ITGA9: variants seen among roughly 807,000 people sequenced by gnomAD.
The protein encoded by ITGA9 is integrin subunit alpha 9.
A neutral mutation model predicts 127.8 loss-of-function variants in ITGA9; 56 were observed. The ratio of observed to expected loss-of-function variants is 0.44; its 90% CI spans 0.35 to 0.55. The LOEUF is 0.55. Ranked by LOEUF, ITGA9 falls within the 20% of genes least tolerant of loss-of-function variation. ITGA9 has a pLI of 0.00. For missense variants in ITGA9, 1,196 were observed against 1,347.1 expected, an observed-to-expected ratio of 0.89 and a Z score of 1.76; for synonymous variants, 508 against 514.5, an observed-to-expected ratio of 0.99 and a Z score of 0.17.
intron 15 of ITGA9, among the ~76,000 whole-genome samples, chr3:37,611,912 T>C (rs1239596955): frequency 1.3e-5 from 2 of 152,104 alleles, no homozygotes; most frequent in Middle Eastern, 3.2e-3. Context: ...GGGAAACAGA[T>C]GCTTTCCTAT....
At chr3:37,676,402 A>G (rs1398378376) in intron 17 of ITGA9, among the ~76,000 whole-genome samples, 1 of 152,176 alleles carries the variant, frequency 6.6e-6, no homozygotes, top group Non-Finnish European at 1.5e-5. Context: ...TGAACTTCAG[A>G]GTTGTCCCAC....
chr3:37,708,306 G>A (rs928714031), intron 18 of ITGA9, among the ~76,000 whole-genome samples: 1 of 152,156 alleles, frequency 6.6e-6, no homozygotes, highest in Non-Finnish European at 1.5e-5. Context: ...TGAAATCTAG[G>A]CCTGGAACAG....
chr3:37,614,807 A>G (rs1700058258), intron 15 of ITGA9, among the ~76,000 whole-genome samples: 1 of 152,154 alleles, frequency 6.6e-6, no homozygotes. Flanking sequence ...ATTTTTGCAC[A>G]TTGATTTTGC....
chr3:37,755,780 A>G (rs1696645833), intron 23 of ITGA9, among the ~76,000 whole-genome samples: 1 of 152,150 alleles, frequency 6.6e-6, no homozygotes, highest in Non-Finnish European at 1.5e-5. Context: ...GTCAAGAGAG[A>G]TGGAAATGAA....
At chr3:37,666,763 A>T (rs1357345663) in intron 17 of ITGA9, among the ~76,000 whole-genome samples, 1 of 152,224 alleles carries the variant, frequency 6.6e-6, no homozygotes, top group African/African-American at 2.4e-5. Flanking sequence ...GAGGAGCTGC[A>T]AAGTCACATG....
At chr3:37,745,533 C>G (rs558533515) in intron 22 of ITGA9, 1 of 152,172 alleles carries the variant, frequency 6.6e-6, no homozygotes, top group Non-Finnish European at 1.5e-5. Context: ...TGTTTCTACT[C>G]TTTCCTACTC....
intron 14 of ITGA9, among the ~76,000 whole-genome samples, chr3:37,540,064 G>A (rs1223528753): frequency 6.6e-6 from 1 of 152,210 alleles, no homozygotes; most frequent in African/African-American, 2.4e-5. Flanking sequence ...AAGCCAAGAG[G>A]ATATGGGTGG....
At chr3:37,818,191 T>TAAAAAAA (rs748381488) in intron 27 of ITGA9, 12 of 31,968 alleles carry the variant, frequency 3.8e-4, no homozygotes, top group African/African-American at 1.1e-3. Flanking sequence ...TAAGACTCTC[T>TAAAAAAA]AAAAAAAAAA....
At chr3:37,521,756 T>C (rs1413126985) in intron 11 of ITGA9, among the ~76,000 whole-genome samples, 2 of 152,218 alleles carry the variant, frequency 1.3e-5, no homozygotes, top group Non-Finnish European at 2.9e-5. Flanking sequence ...GTTCTTGGAC[T>C]TCAGAGCCAA....
chr3:37,605,160 A>G (rs1306587771), intron 15 of ITGA9, among the ~76,000 whole-genome samples: 2 of 152,190 alleles, frequency 1.3e-5, no homozygotes, highest in Admixed American at 6.5e-5. Context: ...CAGAGGGAAC[A>G]GCAAATGCCC....
chr3:37,739,344 T>C (rs1427554256), intron 20 of ITGA9, among the ~76,000 whole-genome samples: 1 of 152,246 alleles, frequency 6.6e-6, no homozygotes, highest in African/African-American at 2.4e-5. Context: ...TATTATCTTC[T>C]AAGCACACAC....
intron 13 of ITGA9, among the ~76,000 whole-genome samples, chr3:37,532,608 T>G (rs898539049): frequency 3.1e-5 from 4 of 127,348 alleles, no homozygotes; most frequent in Non-Finnish European, 6.9e-5. Context: ...TTTGTTTTTG[T>G]GGGATGTCCT....
intron 17 of ITGA9, among the ~76,000 whole-genome samples, chr3:37,663,384 A>T (rs1559561352): frequency 6.6e-6 from 1 of 152,150 alleles, no homozygotes; most frequent in Non-Finnish European, 1.5e-5. Context: ...TTTAAGGGAG[A>T]TGGAAAGACA....
chr3:37,653,697 TC>T lies in ITGA9; in HGVS notation c.1840-15del. On this transcript the variant is annotated splice_polypyrimidine_tract_variant and intron_variant, in intron 16 of 27. Transcript: ENST00000264741. ...ACTCAATCCTGCCCTAACCTTCCTC[TC>T]CTGTCTTTCTCACAGACTGTTTTTG... The T allele has an allele frequency of 1.2e-6, 2 of 1,600,962 alleles. No homozygotes were observed. The highest frequency in any genetic ancestry group is 1.7e-6 in the Non-Finnish European group (2 of 1,168,188).
rs151305603 is a variant in ITGA9, at chr3:37,660,054, C to T, written c.1916+6264C>T. 1.2e-3 allele frequency among the ~76,000 whole-genome samples: 180 copies of T among 152,070 alleles called. No individual in the cohort carries two copies. The Middle Eastern group carries it at 0.02, about 17-fold the overall frequency. On this transcript the variant is annotated intron_variant, in intron 17 of 27. Transcript: ENST00000264741. The stretch of plus-strand genomic sequence containing the variant: ...TCCAAACCACTTAAATATTAATTAG[C>T]ATTACTTTTACTTAGGGCAATAGTG...
intron 13 of ITGA9, among the ~76,000 whole-genome samples, chr3:37,529,221 T>A (rs1699124872): frequency 6.6e-6 from 1 of 152,220 alleles, no homozygotes; most frequent in South Asian, 2.1e-4. Context: ...ATCCCCATTT[T>A]ATGGGTGAGG....
At chr3:37,708,611 T>TC (rs1701035154) in intron 18 of ITGA9, among the ~76,000 whole-genome samples, 2 of 230 alleles carry the variant, frequency 8.7e-3, no homozygotes, top group African/African-American at 0.018. Flanking sequence ...TTCAGCGCTA[T>TC]TAGCATCTAG....
intron 23 of ITGA9, among the ~76,000 whole-genome samples, chr3:37,767,831 A>G (rs1403364818): frequency 6.6e-6 from 1 of 152,194 alleles, no homozygotes; most frequent in Non-Finnish European, 1.5e-5. Context: ...ATTCTTCAGA[A>G]GGATCTCCCA....
chr3:37,721,641 A>G (rs931305056), intron 18 of ITGA9, among the ~76,000 whole-genome samples: 2 of 152,104 alleles, frequency 1.3e-5, no homozygotes, highest in African/African-American at 4.8e-5. Flanking sequence ...TGCTTCTCCA[A>G]ATTCCCCAAG....
Sources: allele counts gnomAD v4.1 joint callset (sites outside exome capture counted in the v4.1 genomes callset), GRCh38; gene constraint gnomAD v4.1.1; transcripts MANE v1.5; gene names NCBI Gene and HGNC (gene_info 2026-07-23, HGNC 2026-07-21).